The following KRT8 variants were observed in gnomAD, a reference collection of about 807,000 sequenced individuals.
KRT8 encodes the protein keratin, type II cytoskeletal 8.
Under a neutral mutation model 43.0 loss-of-function variants are expected in KRT8, and 24 were observed. The ratio of observed to expected loss-of-function variants is 0.56; its 90% CI spans 0.40 to 0.78. The LOEUF is 0.78. KRT8 is among the 30% of genes least tolerant of loss of function. KRT8 has a pLI of 0.00. For synonymous variants in KRT8, 214 were observed against 261.2 expected, an observed-to-expected ratio of 0.82 and a Z score of 1.74; for missense variants, 492 against 638.4, an observed-to-expected ratio of 0.77 and a Z score of 2.47.
At chr12:52,946,784 T>C (rs1402386976) in intron 2 of KRT8, 2 of 152,236 alleles carry the variant, frequency 1.3e-5, no homozygotes, top group Non-Finnish European at 2.9e-5. Flanking sequence ...TTATTTTGCA[T>C]CCCGTTTGCC....
chr12:52,936,703 T>TG (rs1043629780), intron 2 of KRT8, among the ~76,000 whole-genome samples: 33 of 152,202 alleles, frequency 2.2e-4, no homozygotes, highest in African/African-American at 7.2e-4. Flanking sequence ...TTAGTAGAGA[T>TG]GGGGTTTCTC....
chr12:52,924,993 G>C (rs1941961901), intron 2 of KRT8, among the ~76,000 whole-genome samples: 1 of 152,246 alleles, frequency 6.6e-6, no homozygotes, highest in African/African-American at 2.4e-5. Flanking sequence ...CTGTGGAAAA[G>C]GAACAGGGCT....
intron 2 of KRT8, among the ~76,000 whole-genome samples, chr12:52,921,979 A>G (rs1354919906): frequency 2.0e-5 from 3 of 151,752 alleles, no homozygotes; most frequent in Non-Finnish European, 2.9e-5. Flanking sequence ...CAGCCTGGAC[A>G]ACACAGCAAG....
At chr12:52,930,316 C>A (rs763785630) in intron 2 of KRT8, among the ~76,000 whole-genome samples, 6 of 151,946 alleles carry the variant, frequency 3.9e-5, no homozygotes, top group Non-Finnish European at 4.4e-5. Context: ...CTCCCAGGTT[C>A]AAGCGATTCT....
At chr12:52,933,043 A>G (rs1942110287) in intron 2 of KRT8, among the ~76,000 whole-genome samples, 1 of 152,184 alleles carries the variant, frequency 6.6e-6, no homozygotes, top group Admixed American at 6.6e-5. Context: ...TCCCAGGTTC[A>G]AGGGATTCTC....
At chr12:52,898,963 A>G in intron 5 of KRT8, 64 bp from the exon 6 acceptor site, 2 of 1,456,796 alleles carry the variant, frequency 1.4e-6, no homozygotes, top group Non-Finnish European at 9.5e-7. Flanking sequence ...CCGTGCTCCC[A>G]CCCTCCCTCA....
At chr12:52,937,152 C>A (rs766649656) in intron 2 of KRT8, among the ~76,000 whole-genome samples, 34 of 152,078 alleles carry the variant, frequency 2.2e-4, no homozygotes, top group Non-Finnish European at 4.1e-4. Context: ...GGGTGGACTG[C>A]CTGAGCTCAG....
At chr12:52,926,495 C>G in intron 2 of KRT8, 2 of 1,531,192 alleles carry the variant, frequency 1.3e-6, no homozygotes, top group Non-Finnish European at 1.8e-6. Context: ...GGCACCTCCC[C>G]ACAAAGCCTG....
chr12:52,912,149 A>G lies in KRT8; in HGVS notation c.-46-7122T>C, dbSNP rs538242894. On this transcript the variant is annotated intron_variant, in intron 2 of 6. Coordinates refer to the KRT8 transcript ENST00000546826. The stretch of plus-strand genomic sequence containing the variant: ...CTACCACAGGGCAAGGTCTGAGGGA[A>G]AGGGACTGAGGGCGGGCACATTTTG... Among the ~76,000 whole-genome samples the G allele has an allele frequency of 5.9e-5, 9 of 152,356 alleles. No individual in the cohort carries two copies. In the South Asian group the frequency reaches 1.9e-3, roughly 32 times the overall value.
chr12:52,918,037 A>AG (rs1941782612), intron 2 of KRT8, among the ~76,000 whole-genome samples: 5 of 5,314 alleles, frequency 9.4e-4, no homozygotes, highest in African/African-American at 4.1e-3. Context: ...GAGGAGGAGG[A>AG]GAAGAAGAAG....
intron 2 of KRT8, among the ~76,000 whole-genome samples, chr12:52,924,323 T>C (rs11170338): frequency 0.25 from 37,107 of 151,450 alleles, 5,594 homozygotes; most frequent in Non-Finnish European, 0.34. Flanking sequence ...GTGGCGGGCG[T>C]CTGTAGTCCC....
At chr12:52,937,877 G>A (rs1412621172) in intron 2 of KRT8, among the ~76,000 whole-genome samples, 2 of 150,242 alleles carry the variant, frequency 1.3e-5, no homozygotes, top group African/African-American at 4.9e-5. Context: ...GCACACACCT[G>A]TAGTCCCAGC....
chr12:52,936,533 A>C (rs61360258), intron 2 of KRT8, among the ~76,000 whole-genome samples: 22,167 of 152,036 alleles, frequency 0.15, 2,392 homozygotes, highest in East Asian at 0.5. Context: ...TGTTGTTGAG[A>C]TGGAGTTTCA....
At chr12:52,898,301 T>G (rs1257721141) in intron 7 of KRT8, among the ~76,000 whole-genome samples, 160 bp downstream of exon 7, 1 of 152,218 alleles carries the variant, frequency 6.6e-6, no homozygotes, top group East Asian at 1.9e-4. Flanking sequence ...AAGTTATTAC[T>G]GGGGTCCTGA....
chr12:52,905,634 G>C (rs1361195161), upstream of KRT8, among the ~76,000 whole-genome samples: 2 of 152,132 alleles, frequency 1.3e-5, no homozygotes, highest in Admixed American at 1.3e-4. Flanking sequence ...TCTACCCCTA[G>C]CACCTGGTGC....
At chr12:52,914,834 G>A (rs896156364) in intron 2 of KRT8, among the ~76,000 whole-genome samples, 10 of 152,134 alleles carry the variant, frequency 6.6e-5, no homozygotes, top group Admixed American at 4.6e-4. Context: ...TGTTAGCTTC[G>A]TCCTCGGGCA....
chr12:52,898,075 G>A (rs1394236598), intron 7 of KRT8, among the ~76,000 whole-genome samples: 1 of 152,204 alleles, frequency 6.6e-6, no homozygotes, highest in Non-Finnish European at 1.5e-5. Flanking sequence ...TGAGGCAGGA[G>A]AATCTCTTGA....
At chr12:52,920,629 G>T (rs991771388) in intron 2 of KRT8, among the ~76,000 whole-genome samples, 8 of 152,046 alleles carry the variant, frequency 5.3e-5, no homozygotes. Context: ...GCCCCATGAG[G>T]GCAGAGACCT....
intron 1 of KRT8, chr12:52,949,638 A>G (rs367775109): frequency 7.4e-6 from 11 of 1,489,616 alleles, no homozygotes; most frequent in Admixed American, 1.7e-5. Flanking sequence ...TGACCCTCCA[A>G]TTATACACTC....
Sources: gnomAD v4.1 joint callset for allele counts (sites outside exome capture counted in the v4.1 genomes callset) on GRCh38, gnomAD v4.1.1 for gene constraint, MANE v1.5 for transcripts, NCBI Gene and HGNC (gene_info 2026-07-23, HGNC 2026-07-21) for gene names.